Variants in SFPQ observed in about 807,000 individuals in gnomAD.
SFPQ encodes splicing factor, proline- and glutamine-rich.
In SFPQ, 11 loss-of-function variants were observed where a neutral mutation model predicts 72.9. The ratio of observed to expected loss-of-function variants is 0.15; its 90% CI spans 0.09 to 0.25. SFPQ has a LOEUF of 0.25. Among genes scored for constraint, SFPQ ranks in the 10% least tolerant of loss-of-function variants. The pLI, the probability that SFPQ is intolerant of heterozygous loss-of-function variation, is 1.00. For missense variants in SFPQ, 847 were observed against 993.3 expected (o/e 0.85, Z 1.98); for synonymous variants, 506 against 367.3 (o/e 1.38, Z -4.32).
intron 4 of SFPQ, 139 bp from the exon 5 acceptor site, chr1:35,189,521 TATC>T (rs1639891721): frequency 1.7e-6 from 1 of 601,684 alleles, no homozygotes; most frequent in Non-Finnish European, 2.9e-6. Flanking sequence ...CATCTATAAA[TATC>T]TTCACAGCAA....
chr1:35,187,141 G>A lies in SFPQ; in HGVS notation c.1865-19C>T, dbSNP rs1570125466. ...TAGGGATCTAGAAAACAAAAATAGTGGTTACAACTCCACCAGGATACTACT... is the reference window on the plus strand; with the variant it reads ...TAGGGATCTAGAAAACAAAAATAGTAGTTACAACTCCACCAGGATACTACT... On this transcript the variant is annotated intron_variant, in intron 8 of 9. Transcript: ENST00000357214. The A allele has an allele frequency of 6.2e-7, 1 of 1,613,820 alleles. No homozygotes were observed. The highest frequency in any genetic ancestry group is 8.5e-7 in the Non-Finnish European group (1 of 1,179,910).
At chr1:35,181,875 A>C (rs1227260457), downstream of SFPQ, 3 of 985,314 alleles carry the variant, frequency 3.0e-6, no homozygotes, top group African/African-American at 3.5e-5. Context: ...TAAGCTTACA[A>C]CCCTGAGTAC....
At chr1:35,186,593 T>C (rs1639726783) in intron 9 of SFPQ, among the ~76,000 whole-genome samples, 1 of 151,742 alleles carries the variant, frequency 6.6e-6, no homozygotes, top group African/African-American at 2.4e-5. Context: ...AAACTACAAG[T>C]CTGATTCCTA....
Position 35,192,842 on chromosome 1 carries a change from G to T in SFPQ, c.208C>A (p.Gln70Lys). The change falls in exon 1 of 10, where the codon CAA becomes AAA. Residue 70 changes from glutamine to lysine, a missense_variant. This residue lies in a region of SFPQ where 498 missense variants were observed against 405.1 expected (regional missense o/e 1.23). Coordinates refer to ENST00000357214, the MANE Select transcript of SFPQ (RefSeq NM_005066.3). ...IPPPPPHQQQ[Q>K]QPPPQQPPPQ... The stretch of plus-strand genomic sequence containing the variant: ...GGTGGCTGCTGCGGTGGTGGCTGTT[G>T]CTGCTGTTGGTGTGGAGGCGGTGGC... 1 of 1,528,414 alleles carries T rather than the reference G, an allele frequency of 6.5e-7. No individual in the cohort carries two copies. The highest frequency in any genetic ancestry group is 8.7e-7 in the Non-Finnish European group (1 of 1,145,892). 94.7% of individuals were successfully genotyped at this position (1,528,414 alleles called of 1,614,324 possible). A position where few individuals can be genotyped will look rare whatever the true frequency, so the allele number is the denominator to read the frequency against.
intron 6 of SFPQ, 105 bp from the exon 7 acceptor site, chr1:35,188,195 A>T: frequency 1.2e-6 from 1 of 833,468 alleles, no homozygotes. Flanking sequence ...AGCACTAAAA[A>T]ACACAAAGGC....
chr1:35,182,629 G>C (rs1639517330), downstream of SFPQ: 1 of 985,338 alleles, frequency 1.0e-6, no homozygotes, highest in African/African-American at 1.7e-5. Flanking sequence ...TGTTAATAAA[G>C]GTTTGACTTA....
rs1195808276 is a variant in SFPQ, at chr1:35,184,266, A to G, written c.*190T>C. Reference sequence around the variant, plus strand: ...AAAAATAAAGAAATAAAAAGGAAAAAAAAATTCTCCTGTTCCAAACACTGC... The same window carrying G: ...AAAAATAAAGAAATAAAAAGGAAAAGAAAATTCTCCTGTTCCAAACACTGC... On this transcript the variant is annotated 3_prime_UTR_variant, in exon 10 of 10. Coordinates refer to ENST00000357214, the MANE Select transcript of SFPQ (RefSeq NM_005066.3). 3.7e-6 allele frequency: 5 copies of G among 1,359,336 alleles called. No homozygotes were observed. The highest frequency in any genetic ancestry group is 4.7e-6 in the Non-Finnish European group (5 of 1,065,242). 84.2% of individuals were successfully genotyped at this position (1,359,336 alleles called of 1,614,324 possible). A position where few individuals can be genotyped will look rare whatever the true frequency, so the allele number is the denominator to read the frequency against.
At position 35,193,144 on chromosome 1, in the gene SFPQ, G is replaced by A; in HGVS notation, c.-95C>T. 2.0e-6 allele frequency: 3 copies of A among 1,468,194 alleles called. No homozygotes were observed. The allele number at this position is 1,468,194 out of a possible 1,614,324, so 90.9% of individuals were successfully genotyped here. ...TCTCACAAAATGGCGGATGACACAG[G>A]CGGCGCGCCGCCTTTGTCCTCGTCT... On this transcript the variant is annotated 5_prime_UTR_variant, in exon 1 of 10. Transcript: ENST00000357214.
chr1:35,187,018 T>C lies in SFPQ; in HGVS notation c.1969A>G (p.Met657Val), dbSNP rs1639752559. The C allele has an allele frequency of 6.2e-7, 1 of 1,613,992 alleles. No individual in the cohort carries two copies. The highest frequency in any genetic ancestry group is 8.5e-7 in the Non-Finnish European group (1 of 1,179,846). ...TACATTACCATGTCACTTCCCATCA[T>C]GGAACCACTCATGGTTGCTGGTGGA... The part of the protein sequence containing the change: ...GVPPATMSGS[M>V]MGSDMRTERF... The change falls in exon 9 of 10, where the codon ATG (methionine) becomes GTG (valine). Residue 657 changes from methionine (M) to valine (V), a missense_variant. Physicochemically the swap from Met to Val is conservative, Grantham distance 21. Coordinates refer to ENST00000357214, the MANE Select transcript of SFPQ (RefSeq NM_005066.3).
chr1:35,182,264 C>T (rs1639500078), downstream of SFPQ: 2 of 985,348 alleles, frequency 2.0e-6, no homozygotes, highest in South Asian at 4.7e-5. Flanking sequence ...TATAATTCAA[C>T]CAAACTGTAA....
In SFPQ at chr1:35,184,599, G is replaced by C; in HGVS notation, c.1987-6C>G. 2 of 1,572,352 alleles carry C rather than the reference G, an allele frequency of 1.3e-6. No homozygotes were observed. Among genetic ancestry groups the C allele is most frequent in the Non-Finnish European group, 1.7e-6 (2 of 1,165,762 alleles). ...TGCCCAAAGCGCTCAGTACGCTATT[G>C]GAACAGTAATTAACAGTTCATTATA... is the stretch of plus-strand genomic sequence containing the variant. On this transcript the variant is annotated splice_region_variant and splice_polypyrimidine_tract_variant and intron_variant, in intron 9 of 9. Transcript: ENST00000357214.
chr1:35,181,723 AAAATACTTC>A, downstream of SFPQ: 1 of 1,061,004 alleles, frequency 9.4e-7, no homozygotes, highest in Non-Finnish European at 1.1e-6. Context: ...AAAAATGGCT[AAAATACTTC>A]AAAAATTGCT....
chr1:35,178,228 T>C (rs1000477142), downstream of SFPQ: 30 of 1,102,038 alleles, frequency 2.7e-5, no homozygotes, highest in Non-Finnish European at 3.2e-5. Context: ...ATAAAATAAG[T>C]AGACACCTGA....
intron 2 of SFPQ, 24 bp from the exon 3 acceptor site, chr1:35,191,019 T>C: frequency 6.3e-7 from 1 of 1,594,270 alleles, no homozygotes; most frequent in Non-Finnish European, 8.6e-7. Context: ...ACACTCATGT[T>C]AATGACCTCA....
In SFPQ at chr1:35,190,774, T is replaced by C. The variant is rs755458700; in HGVS notation, c.1239A>G (p.Lys413=). 5.0e-6 allele frequency: 8 copies of C among 1,614,246 alleles called. No individual in the cohort carries two copies. Among genetic ancestry groups the C allele is most frequent in the Non-Finnish European group, 6.8e-6 (8 of 1,180,044 alleles). The stretch of plus-strand genomic sequence containing the variant: ...GCTTAGAAGCAAATTCAACAATGCC[T>C]TTCCCTGTAGATCTTCCACGATCAT... The part of the protein sequence containing the change: ...IVDDRGRSTG[K]GIVEFASKPA... Residue 413 remains lysine, a synonymous_variant, in exon 3 of 10, where the codon AAA becomes AAG. Transcript: ENST00000357214.
At position 35,192,530 on chromosome 1, in the gene SFPQ, C is replaced by T. The variant is rs1640076460; in HGVS notation, c.520G>A (p.Val174Ile). 2.3e-6 allele frequency: 3 copies of T among 1,328,896 alleles called. No homozygotes were observed. Among genetic ancestry groups the T allele is most frequent in the Non-Finnish European group, 2.9e-6 (3 of 1,046,204 alleles). 82.3% of individuals were successfully genotyped at this position (1,328,896 alleles called of 1,614,324 possible). The change falls in exon 1 of 10, where the codon GTC (valine) becomes ATC (isoleucine). Residue 174 changes from valine (V) to isoleucine (I), a missense_variant. Physicochemically the swap from Val to Ile is conservative, Grantham distance 29. Around this residue, in one of 6 missense-constraint regions of SFPQ, gnomAD observed 498 missense variants for 405.1 expected, o/e 1.23. Transcript: ENST00000357214. ...APPPTPPSSG[V>I]PTTPPQAGGP... ...CCGGCCTGAGGAGGTGTGGTAGGGA[C>T]CCCGCTGCTTGGCGGGGTGGGTGGC...
At chr1:35,185,865 C>T (rs1462820088) in intron 9 of SFPQ, among the ~76,000 whole-genome samples, 1 of 151,996 alleles carries the variant, frequency 6.6e-6, no homozygotes, top group East Asian at 1.9e-4. Context: ...AGCTGAGAAC[C>T]CAGGAGCTAT....
downstream of SFPQ, chr1:35,177,936 T>C (rs1639314938): frequency 1.2e-6 from 1 of 869,464 alleles, no homozygotes; most frequent in Non-Finnish European, 1.5e-6. Context: ...AATGAAATTA[T>C]TTAAATCAAA....
Position 35,185,282 on chromosome 1 carries a change from G to C in SFPQ, c.1987-689C>G, listed in dbSNP as rs539136242. Among the ~76,000 whole-genome samples the C allele has an allele frequency of 7.4e-4, 113 of 152,316 alleles. 1 individual carries two copies. The highest frequency in any genetic ancestry group is 2.1e-3 in the South Asian group (10 of 4,824). ...CTTCCGAGCCATCACTATATAACCA[G>C]AGACAATTACGTTCTCAGTACTATT... is the stretch of plus-strand genomic sequence containing the variant. On this transcript the variant is annotated intron_variant, in intron 9 of 9. Coordinates refer to ENST00000357214, the MANE Select transcript of SFPQ (RefSeq NM_005066.3).
Sources: allele counts gnomAD v4.1 joint callset (sites outside exome capture counted in the v4.1 genomes callset), GRCh38; gene constraint gnomAD v4.1.1; regional missense constraint gnomAD v4.1.1; transcripts MANE v1.5; gene names NCBI Gene and HGNC (gene_info 2026-07-23, HGNC 2026-07-21).